Variants in GRK5 observed in about 807,000 individuals in gnomAD.
GRK5 encodes G protein-coupled receptor kinase 5.
In GRK5, 40 loss-of-function variants were observed where a neutral mutation model predicts 78.4. The ratio of observed to expected loss-of-function variants is 0.51; its 90% CI spans 0.40 to 0.66. The LOEUF is 0.66. Among genes scored for constraint, GRK5 ranks in the 30% least tolerant of loss-of-function variants. The pLI, the probability that GRK5 is intolerant of heterozygous loss-of-function variation, is 0.00. For missense variants in GRK5, 598 were observed against 759.9 expected (o/e 0.79, Z 2.50); for synonymous variants, 289 against 296.8 (o/e 0.97, Z 0.27).
chr10:119,425,653 G>T (rs1179323358), intron 6 of GRK5, among the ~76,000 whole-genome samples: 1 of 152,248 alleles, frequency 6.6e-6, no homozygotes, highest in East Asian at 1.9e-4. Flanking sequence ...CCGAGTGCCT[G>T]CTCCTCAGCT....
At chr10:119,306,823 T>C (rs1463052192) in intron 1 of GRK5, among the ~76,000 whole-genome samples, 1 of 152,108 alleles carries the variant, frequency 6.6e-6, no homozygotes, top group Admixed American at 6.5e-5. Context: ...TGCAGTGTCC[T>C]CTAGCGTCTA....
At chr10:119,332,267 C>T (rs1233928203) in intron 2 of GRK5, among the ~76,000 whole-genome samples, 1 of 152,092 alleles carries the variant, frequency 6.6e-6, no homozygotes, top group African/African-American at 2.4e-5. Context: ...CTACCATGCC[C>T]AGCTAATTTT....
chr10:119,437,370 G>A (rs1852944182), intron 9 of GRK5, among the ~76,000 whole-genome samples: 1 of 152,114 alleles, frequency 6.6e-6, no homozygotes, highest in Non-Finnish European at 1.5e-5. Flanking sequence ...TAGGGCCAGG[G>A]GTCCAGATTC....
At chr10:119,418,410 C>T (rs1401182865) in intron 4 of GRK5, among the ~76,000 whole-genome samples, 1 of 152,184 alleles carries the variant, frequency 6.6e-6, no homozygotes, top group African/African-American at 2.4e-5. Context: ...TTCCTCATGG[C>T]AGGCAAGGCC....
chr10:119,257,042 T>C (rs1258255641), intron 1 of GRK5, among the ~76,000 whole-genome samples: 1 of 152,252 alleles, frequency 6.6e-6, no homozygotes, highest in Non-Finnish European at 1.5e-5. Flanking sequence ...GGTTCATCCA[T>C]GTTGCAGCCT....
chr10:119,372,721 G>A (rs1407591542), intron 2 of GRK5, among the ~76,000 whole-genome samples: 1 of 152,164 alleles, frequency 6.6e-6, no homozygotes, highest in Non-Finnish European at 1.5e-5. Flanking sequence ...ATGGCCACAA[G>A]ATAGCCACCA....
At position 119,207,820 on chromosome 10, in the gene GRK5, C is replaced by A; in HGVS notation, c.-98C>A. 1 of 1,195,116 alleles carries A rather than the reference C, an allele frequency of 8.4e-7. No individual in the cohort carries two copies. The highest frequency in any genetic ancestry group is 1.2e-6 in the Non-Finnish European group (1 of 858,390). The allele number at this position is 1,195,116 out of a possible 1,614,324, so 74.0% of individuals were successfully genotyped here. On this transcript the variant is annotated 5_prime_UTR_variant, in exon 1 of 16. Coordinates refer to ENST00000392870, the MANE Select transcript of GRK5 (RefSeq NM_005308.3). The stretch of plus-strand genomic sequence containing the variant: ...GGGCTGCTGGCTCCCCCGGCTCCGG[C>A]AGCAGCGGCGGCAGCCCGAGCAGCG...
At chr10:119,447,961 C>T (rs574559009) in intron 12 of GRK5, among the ~76,000 whole-genome samples, 162 bp from the exon 13 acceptor site, 1 of 152,218 alleles carries the variant, frequency 6.6e-6, no homozygotes, top group Non-Finnish European at 1.5e-5. Context: ...TGTGTGAGCA[C>T]AGATGCACGC....
chr10:119,433,209 G>T (rs1036948743), intron 8 of GRK5, among the ~76,000 whole-genome samples: 6 of 152,192 alleles, frequency 3.9e-5, no homozygotes, highest in Non-Finnish European at 8.8e-5. Context: ...GCAGTGCCAT[G>T]GTATGTGGAG....
intron 1 of GRK5, among the ~76,000 whole-genome samples, chr10:119,298,696 C>T (rs1850124043): frequency 6.6e-6 from 1 of 151,962 alleles, no homozygotes; most frequent in Non-Finnish European, 1.5e-5. Context: ...ACCCCCAGGA[C>T]CCCATTCTTA....
chr10:119,261,519 T>A (rs1380775577), intron 1 of GRK5, among the ~76,000 whole-genome samples: 1 of 151,848 alleles, frequency 6.6e-6, no homozygotes, highest in African/African-American at 2.4e-5. Context: ...GAGGCTGCAA[T>A]CTCGGCACTT....
At chr10:119,420,613 G>A (rs563010208) in intron 4 of GRK5, among the ~76,000 whole-genome samples, 22 of 144,262 alleles carry the variant, frequency 1.5e-4, no homozygotes, top group South Asian at 4.3e-4. Context: ...GGGTCTCACC[G>A]TGTTGCCTAG....
chr10:119,332,279 G>A (rs1010456421), intron 2 of GRK5, among the ~76,000 whole-genome samples: 1 of 151,884 alleles, frequency 6.6e-6, no homozygotes, highest in African/African-American at 2.4e-5. Context: ...GCTAATTTTT[G>A]TATTTTTTGT....
intron 12 of GRK5, 120 bp downstream of exon 12, chr10:119,443,872 G>A: frequency 1.2e-6 from 1 of 850,434 alleles, no homozygotes; most frequent in Non-Finnish European, 1.8e-6. Context: ...GCATGGGGGT[G>A]GGGGTTGCAG....
At position 119,436,062 on chromosome 10, in the gene GRK5, A is replaced by G. The variant is rs959232120; in HGVS notation, c.739-589A>G. On this transcript the variant is annotated intron_variant, in intron 8 of 15. Coordinates refer to ENST00000392870, the MANE Select transcript of GRK5 (RefSeq NM_005308.3). ...TGGGAGAAACTGCCCCCATGAGTCA[A>G]TTGTCTCCCACTGGTCCCTCCCACA... is the stretch of plus-strand genomic sequence containing the variant. 1.4e-4 allele frequency among the ~76,000 whole-genome samples: 21 copies of G among 152,220 alleles called. No homozygotes were observed. The East Asian group carries it at 3.5e-3, about 25-fold the overall frequency.
In GRK5 at chr10:119,264,725, A is replaced by T. The variant is rs111748094; in HGVS notation, c.52+56756A>T. Among the ~76,000 whole-genome samples, 405 of 152,220 alleles carry T rather than the reference A, an allele frequency of 2.7e-3. 2 individuals carry two copies. The highest frequency in any genetic ancestry group is 0.01 in the Middle Eastern group (3 of 292). ...CCCTGATCAGCAGCCTGGCATTGTA[A>T]GTGGGGTAGGACTATTCTTCAGCAG... On this transcript the variant is annotated intron_variant, in intron 1 of 15. Coordinates refer to ENST00000392870, the MANE Select transcript of GRK5 (RefSeq NM_005308.3). This position sits in a 1 kb window ranked among gnomAD's most constrained non-coding sequence, Gnocchi z 4.1.
intron 1 of GRK5, among the ~76,000 whole-genome samples, chr10:119,293,767 G>A (rs1203866851): frequency 6.6e-6 from 1 of 152,060 alleles, no homozygotes; most frequent in Non-Finnish European, 1.5e-5. Context: ...GCCAGGGTGG[G>A]GCTGGGTGGG....
At chr10:119,294,720 C>G (rs142324119) in intron 1 of GRK5, among the ~76,000 whole-genome samples, 2 of 152,304 alleles carry the variant, frequency 1.3e-5, no homozygotes, top group Non-Finnish European at 2.9e-5. Context: ...AACTGTGACC[C>G]TTAGGCCAGT....
chr10:119,369,769 G>A (rs187378101), intron 2 of GRK5, among the ~76,000 whole-genome samples: 215 of 152,226 alleles, frequency 1.4e-3, no homozygotes, highest in African/African-American at 4.9e-3. Flanking sequence ...CCGGGCTTCC[G>A]GGCAGAGGAG....
Sources: gnomAD v4.1 joint callset for allele counts (sites outside exome capture counted in the v4.1 genomes callset) on GRCh38, gnomAD v4.1.1 for gene constraint, Gnocchi (gnomAD v3.1) non-coding constraint, MANE v1.5 for transcripts, NCBI Gene and HGNC (gene_info 2026-07-23, HGNC 2026-07-21) for gene names.